FAM117B: variants seen among roughly 807,000 people sequenced by gnomAD.
FAM117B encodes the protein family with sequence similarity 117 member B, also known as protein FAM117B.
A neutral mutation model predicts 52.8 loss-of-function variants in FAM117B; 22 were observed. The ratio of observed to expected loss-of-function variants is 0.42; its 90% CI spans 0.30 to 0.59. The LOEUF is 0.59. FAM117B is among the 20% of genes least tolerant of loss of function. The pLI is 0.22. For missense variants in FAM117B, 678 were observed against 802.6 expected, an observed-to-expected ratio of 0.84 and a Z score of 1.88; for synonymous variants, 309 against 324.1, an observed-to-expected ratio of 0.95 and a Z score of 0.50.
intron 4 of FAM117B, among the ~76,000 whole-genome samples, chr2:202,737,395 A>T (rs1385372204): frequency 1.3e-5 from 2 of 152,088 alleles, no homozygotes; most frequent in East Asian, 3.9e-4. Flanking sequence ...TCAAGATAAA[A>T]CATTCCCTCA....
chr2:202,737,823 AACGCTTG>A (rs1264502132), intron 4 of FAM117B, among the ~76,000 whole-genome samples: 1 of 151,962 alleles, frequency 6.6e-6, no homozygotes, highest in Non-Finnish European at 1.5e-5. Context: ...GCTGGTCTTG[AACGCTTG>A]ACCTCAGGTG....
intron 1 of FAM117B, among the ~76,000 whole-genome samples, chr2:202,648,354 C>T (rs1260641017): frequency 6.6e-6 from 1 of 151,888 alleles, no homozygotes. Flanking sequence ...TACTAAAATA[C>T]AGAAAAAAAT....
intron 2 of FAM117B, among the ~76,000 whole-genome samples, chr2:202,711,933 T>G (rs895247826): frequency 1.3e-5 from 2 of 152,174 alleles, no homozygotes; most frequent in Non-Finnish European, 2.9e-5. Context: ...TACCATGCCA[T>G]TTTGGTTACT....
intron 4 of FAM117B, among the ~76,000 whole-genome samples, chr2:202,736,526 C>T (rs140856077): frequency 4.0e-4 from 61 of 152,192 alleles, no homozygotes; most frequent in African/African-American, 1.3e-3. Context: ...TTTGGGAGTT[C>T]GACGTAGATG....
intron 4 of FAM117B, among the ~76,000 whole-genome samples, chr2:202,732,118 T>TGG (rs948229577): frequency 2.6e-5 from 4 of 151,500 alleles, no homozygotes; most frequent in African/African-American, 9.7e-5. Flanking sequence ...CTTGAACTCC[T>TGG]GGCCTCAGGT....
intron 2 of FAM117B, among the ~76,000 whole-genome samples, chr2:202,702,670 C>T (rs1023351991): frequency 4.6e-5 from 7 of 152,098 alleles, no homozygotes; most frequent in Non-Finnish European, 5.9e-5. Context: ...TCTCCTGCCT[C>T]AGCCTCCTGG....
At chr2:202,661,919 T>TAA (rs201631446) in intron 1 of FAM117B, among the ~76,000 whole-genome samples, 112 of 88,698 alleles carry the variant, frequency 1.3e-3, no homozygotes, top group African/African-American at 3.8e-3. Flanking sequence ...AGATTCCATC[T>TAA]AAAAAAAAAA....
chr2:202,735,145 T>C (rs13427071), intron 4 of FAM117B, among the ~76,000 whole-genome samples: 12,507 of 152,190 alleles, frequency 0.082, 1,715 homozygotes, highest in African/African-American at 0.28. Context: ...GTAGAACATT[T>C]TCCTAGTTAA....
chr2:202,759,475 T>G (rs1691850539), intron 7 of FAM117B, 122 bp downstream of exon 7: 12 of 1,267,922 alleles, frequency 9.5e-6, no homozygotes, highest in Non-Finnish European at 1.2e-5. Flanking sequence ...CACTGCAACC[T>G]CTACCTCCTT....
At chr2:202,751,496 C>A (rs1200248265) in intron 4 of FAM117B, among the ~76,000 whole-genome samples, 1 of 152,144 alleles carries the variant, frequency 6.6e-6, no homozygotes, top group African/African-American at 2.4e-5. Flanking sequence ...AGGCTGGACA[C>A]AGTGGCTCAC....
chr2:202,649,711 T>C (rs1326775234), intron 1 of FAM117B, among the ~76,000 whole-genome samples: 1 of 151,714 alleles, frequency 6.6e-6, no homozygotes, highest in Non-Finnish European at 1.5e-5. Flanking sequence ...GCCACCACAC[T>C]GGGCTAATTT....
chr2:202,731,386 CCTT>C (rs1223166044), intron 4 of FAM117B, among the ~76,000 whole-genome samples: 6 of 89,498 alleles, frequency 6.7e-5, no homozygotes, highest in South Asian at 4.1e-4. Context: ...GAGAGAAGCT[CCTT>C]CTCAATTAAA....
intron 1 of FAM117B, among the ~76,000 whole-genome samples, chr2:202,652,863 C>T (rs977525697): frequency 2.2e-4 from 34 of 152,082 alleles, no homozygotes; most frequent in Admixed American, 9.2e-4. Context: ...CTTTTTTACC[C>T]GTAAATCTCA....
In FAM117B at chr2:202,739,392, C is replaced by T. The variant is rs928219965; in HGVS notation, c.960+13029C>T. Among the ~76,000 whole-genome samples, 8 of 151,674 alleles carry T rather than the reference C, an allele frequency of 5.3e-5. No homozygotes were observed. In the South Asian group the frequency reaches 6.3e-4, roughly 12 times the overall value. ...TCCTTTTCCCTTTTCCTTCCCTTTC[C>T]GTCTGTCTTTCTGTCTGTCTTCCTG... is the stretch of plus-strand genomic sequence containing the variant. On this transcript the variant is annotated intron_variant, in intron 4 of 7. Coordinates refer to ENST00000392238, the MANE Select transcript of FAM117B (RefSeq NM_173511.4).
At chr2:202,726,692 A>G (rs1691250799) in intron 4 of FAM117B, among the ~76,000 whole-genome samples, 1 of 152,160 alleles carries the variant, frequency 6.6e-6, no homozygotes, top group Non-Finnish European at 1.5e-5. Flanking sequence ...CTGGCTGAAT[A>G]ACTTATCTTT....
At chr2:202,654,962 T>A (rs1690030057) in intron 1 of FAM117B, among the ~76,000 whole-genome samples, 1 of 151,904 alleles carries the variant, frequency 6.6e-6, no homozygotes, top group Non-Finnish European at 1.5e-5. Context: ...TTAGAAAAAA[T>A]GTGCCCCAAA....
chr2:202,714,511 A>C (rs1559107908), intron 2 of FAM117B, among the ~76,000 whole-genome samples: 1 of 146,464 alleles, frequency 6.8e-6, no homozygotes, highest in Non-Finnish European at 1.5e-5. Flanking sequence ...ATATATTTAC[A>C]GTTGTTATAT....
At chr2:202,644,074 T>TTTTTTTTTTTTTTTTTTTTTG (rs1689820887) in intron 1 of FAM117B, among the ~76,000 whole-genome samples, 1 of 146,672 alleles carries the variant, frequency 6.8e-6, no homozygotes, top group Non-Finnish European at 1.5e-5. Context: ...GTTTTTTTTT[T>TTTTTTTTTTTTTTTTTTTTTG]TTTTTTTTTT....
At chr2:202,762,905 C>T (rs1207940455) in intron 7 of FAM117B, among the ~76,000 whole-genome samples, 2 of 151,296 alleles carry the variant, frequency 1.3e-5, no homozygotes, top group Non-Finnish European at 2.9e-5. Context: ...TGAGGTATAT[C>T]GTAAGTCTGT....
Sources: allele counts gnomAD v4.1 joint callset (sites outside exome capture counted in the v4.1 genomes callset), GRCh38; gene constraint gnomAD v4.1.1; transcripts MANE v1.5; gene names NCBI Gene and HGNC (gene_info 2026-07-23, HGNC 2026-07-21).